NELL2: variants seen among roughly 807,000 people sequenced by gnomAD.
NELL2 encodes neural EGFL like 2.
In NELL2, 41 loss-of-function variants were observed where a neutral mutation model predicts 109.6. The observed-to-expected ratio is 0.37, with a 90% CI of 0.29 to 0.49. NELL2 has a LOEUF of 0.49. Ranked by LOEUF, NELL2 falls within the 20% of genes least tolerant of loss-of-function variation. The pLI is 0.98. For synonymous variants in NELL2, 355 were observed against 344.7 expected, an observed-to-expected ratio of 1.03 and a Z score of -0.33; for missense variants, 900 against 1,008.3, an observed-to-expected ratio of 0.89 and a Z score of 1.45.
intron 1 of NELL2, among the ~76,000 whole-genome samples, chr12:44,892,126 A>C (rs1455334657): frequency 2.0e-5 from 3 of 152,254 alleles, no homozygotes; most frequent in Non-Finnish European, 4.4e-5. Flanking sequence ...GGTTGGGAGT[A>C]GAATTTCCTT....
At chr12:44,771,559 A>G (rs1285445489) in intron 9 of NELL2, among the ~76,000 whole-genome samples, 1 of 152,178 alleles carries the variant, frequency 6.6e-6, no homozygotes, top group African/African-American at 2.4e-5. Context: ...TTATGGCTGT[A>G]ATTACTATGG....
At chr12:44,625,000 A>ATATATATATATATATATATGTGTG (rs1946196052) in intron 13 of NELL2, among the ~76,000 whole-genome samples, 1 of 65,722 alleles carries the variant, frequency 1.5e-5, no homozygotes, top group Non-Finnish European at 2.7e-5. Flanking sequence ...GTGTGTGTAT[A>ATATATATATATATATATATGTGTG]TATATATATA....
At chr12:44,780,697 G>A (rs1941926225) in intron 3 of NELL2, among the ~76,000 whole-genome samples, 1 of 152,058 alleles carries the variant, frequency 6.6e-6, no homozygotes, top group Non-Finnish European at 1.5e-5. Flanking sequence ...ATCAAAGGAA[G>A]CCTACTAAGG....
intron 19 of NELL2, among the ~76,000 whole-genome samples, chr12:44,513,928 G>A (rs1266334020): frequency 7.1e-6 from 1 of 141,362 alleles, no homozygotes. Context: ...AAAAAGCCCA[G>A]CAAACACCAA....
chr12:44,850,451 A>G (rs546646873), intron 2 of NELL2, among the ~76,000 whole-genome samples: 1 of 152,130 alleles, frequency 6.6e-6, no homozygotes, highest in Admixed American at 6.5e-5. Flanking sequence ...AAATATTTTT[A>G]TTTGCTCTAA....
intron 9 of NELL2, among the ~76,000 whole-genome samples, chr12:44,735,341 A>G (rs1207238508): frequency 3.9e-5 from 6 of 152,104 alleles, no homozygotes; most frequent in Non-Finnish European, 8.8e-5. Flanking sequence ...GTCTAGGATA[A>G]AGATAGATTT....
At chr12:44,618,937 C>T (rs1945938846) in intron 13 of NELL2, among the ~76,000 whole-genome samples, 1 of 152,112 alleles carries the variant, frequency 6.6e-6, no homozygotes, top group African/African-American at 2.4e-5. Flanking sequence ...AATGAGAATA[C>T]AGAGCTTGCT....
chr12:44,696,443 T>G (rs1222854480), intron 12 of NELL2, among the ~76,000 whole-genome samples: 1 of 152,206 alleles, frequency 6.6e-6, no homozygotes, highest in Admixed American at 6.5e-5. Context: ...AAATGAGTGT[T>G]CTGTAAAAGC....
intron 2 of NELL2, among the ~76,000 whole-genome samples, chr12:44,830,369 GT>G (rs1196367988): frequency 6.6e-6 from 1 of 152,088 alleles, no homozygotes; most frequent in Non-Finnish European, 1.5e-5. Flanking sequence ...AGTTTGTTCT[GT>G]TTTTATCCTT....
chr12:44,703,652 G>C, intron 12 of NELL2, 74 bp downstream of exon 12: 1 of 1,523,958 alleles, frequency 6.6e-7, no homozygotes. Context: ...GACAACCTGG[G>C]AACTTAATAA....
chr12:44,698,088 T>C (rs916583168), intron 12 of NELL2, among the ~76,000 whole-genome samples: 2 of 152,196 alleles, frequency 1.3e-5, no homozygotes, highest in Non-Finnish European at 1.5e-5. Context: ...TGTGTCTGTA[T>C]CCAAATTTCT....
intron 1 of NELL2, among the ~76,000 whole-genome samples, chr12:44,899,217 C>G (rs1945630936): frequency 6.6e-6 from 1 of 152,146 alleles, no homozygotes; most frequent in Non-Finnish European, 1.5e-5. Flanking sequence ...AGAACTTCCC[C>G]AACCTAGCAA....
chr12:44,871,958 T>C (rs1262506101), intron 2 of NELL2, among the ~76,000 whole-genome samples: 1 of 152,214 alleles, frequency 6.6e-6, no homozygotes, highest in African/African-American at 2.4e-5. Context: ...GGAAATTATC[T>C]ACTTTGGGAA....
In NELL2 at chr12:44,588,440, C is replaced by A. The variant is rs893185563; in HGVS notation, c.1663+18729G>T. On this transcript the variant is annotated intron_variant, in intron 15 of 19. Transcript: ENST00000429094. ...TCATGATCATGCACTCTAGAGGCCC[C>A]TCAGACTGCCAAAATGACGTCCACT... Among the ~76,000 whole-genome samples, 3 of 152,088 alleles carry A rather than the reference C, an allele frequency of 2.0e-5. No homozygotes were observed. The East Asian group carries it at 5.8e-4, about 29-fold the overall frequency.
At chr12:44,861,086 C>G (rs897216848) in intron 2 of NELL2, among the ~76,000 whole-genome samples, 3 of 152,116 alleles carry the variant, frequency 2.0e-5, no homozygotes, top group Non-Finnish European at 4.4e-5. Context: ...GCTAAGAAAA[C>G]CAGGTGAGAG....
intron 3 of NELL2, among the ~76,000 whole-genome samples, chr12:44,790,928 A>G (rs1403454888): frequency 6.6e-6 from 1 of 150,682 alleles, no homozygotes; most frequent in Non-Finnish European, 1.5e-5. Context: ...GGGACATTAT[A>G]TAATGGTAAA....
At chr12:44,663,518 C>A (rs1460817868) in intron 13 of NELL2, among the ~76,000 whole-genome samples, 2 of 152,158 alleles carry the variant, frequency 1.3e-5, no homozygotes, top group Non-Finnish European at 2.9e-5. Flanking sequence ...ATAAAAAAAT[C>A]ATAGTCTGAA....
chr12:44,514,662 T>C (rs1019684728), intron 19 of NELL2, among the ~76,000 whole-genome samples: 2 of 151,686 alleles, frequency 1.3e-5, no homozygotes, highest in Admixed American at 1.3e-4. Flanking sequence ...AGGCATCCAC[T>C]TGGAGTCTTG....
intron 13 of NELL2, among the ~76,000 whole-genome samples, chr12:44,617,593 G>A (rs565702312): frequency 7.7e-6 from 1 of 130,134 alleles, no homozygotes; most frequent in African/African-American, 3.6e-5. Context: ...TTGGGAGGCT[G>A]AGGCAGGAGA....
Sources: gnomAD v4.1 joint callset for allele counts (sites outside exome capture counted in the v4.1 genomes callset) on GRCh38, gnomAD v4.1.1 for gene constraint, MANE v1.5 for transcripts, NCBI Gene and HGNC (gene_info 2026-07-23, HGNC 2026-07-21) for gene names.